Variants in CASQ2 observed in about 807,000 individuals in gnomAD.
The protein encoded by CASQ2 is calsequestrin 2.
In CASQ2, 49 loss-of-function variants were observed where a neutral mutation model predicts 46.5. The ratio of observed to expected loss-of-function variants is 1.05; its 90% confidence interval spans 0.84 to 1.34. The LOEUF (loss-of-function observed/expected upper bound fraction) is 1.34, where lower values mean the gene tolerates loss of function less well. Ranked by LOEUF, CASQ2 falls within the 40% of genes most tolerant of loss-of-function variation. The probability of loss-of-function intolerance (pLI) is 0.00; values close to 1 mark genes in which losing one functional copy is unlikely to be tolerated. For missense variants in CASQ2, 486 were observed against 481.3 expected (o/e 1.01, Z -0.09); for synonymous variants, 174 against 168.5 (o/e 1.03, Z -0.25).
At chr1:115,706,797 T>C (rs1244558628) in intron 8 of CASQ2, among the ~76,000 whole-genome samples, 3 of 152,172 alleles carry the variant, frequency 2.0e-5, no homozygotes, top group Non-Finnish European at 4.4e-5. Context: ...AGCAAACCTC[T>C]CCTCTCTCCA....
rs1647842183 is a variant in CASQ2 at position 115,733,043 on chromosome 1, A to G, written c.533-69T>C. ...GAACACAGAAGAATCTTCTTTTTAA[A>G]TGGTGTAGAGAGTAGAAAGCCAATT... On this transcript the variant is annotated intron_variant, in intron 4 of 10. Coordinates refer to ENST00000261448, the MANE Select transcript of CASQ2 (RefSeq NM_001232.4). The G allele has an allele frequency of 5.2e-6, 6 of 1,158,632 alleles. No individual in the cohort carries two copies. In the South Asian group the frequency reaches 6.2e-5, roughly 12 times the overall value. 71.8% of individuals were successfully genotyped at this position (1,158,632 alleles called of 1,614,324 possible).
chr1:115,743,689 C>T (rs1049544188), intron 2 of CASQ2, among the ~76,000 whole-genome samples: 1 of 143,752 alleles, frequency 7.0e-6, no homozygotes, highest in African/African-American at 2.6e-5. Flanking sequence ...CACCACTAAT[C>T]TTTTTTTTTT....
intron 7 of CASQ2, among the ~76,000 whole-genome samples, chr1:115,723,098 T>G (rs537248360): frequency 6.6e-6 from 1 of 151,922 alleles, no homozygotes; most frequent in Non-Finnish European, 1.5e-5. Context: ...TAGGCAAATG[T>G]AAGTGTGGAA....
chr1:115,713,886 C>A (rs909523136), intron 8 of CASQ2, among the ~76,000 whole-genome samples: 1 of 152,144 alleles, frequency 6.6e-6, no homozygotes, highest in Admixed American at 6.5e-5. Flanking sequence ...TTCCTATAAC[C>A]CTGTGATCCC....
At chr1:115,761,497 G>GAAGAAGA (rs1648956584) in intron 1 of CASQ2, among the ~76,000 whole-genome samples, 22 of 18,964 alleles carry the variant, frequency 1.2e-3, no homozygotes, top group East Asian at 4.5e-3. Flanking sequence ...GGAGAAGAAG[G>GAAGAAGA]AGAAGAAGAA....
chr1:115,742,132 C>A (rs557170356), intron 2 of CASQ2, among the ~76,000 whole-genome samples: 1 of 152,172 alleles, frequency 6.6e-6, no homozygotes, highest in East Asian at 1.9e-4. Flanking sequence ...CTGCCTCAGC[C>A]TCCTGAATAG....
intron 9 of CASQ2, among the ~76,000 whole-genome samples, chr1:115,703,787 C>A (rs901593258): frequency 2.6e-5 from 4 of 152,016 alleles, no homozygotes; most frequent in African/African-American, 9.7e-5. Context: ...TGGCACATTT[C>A]TATAGTCCCA....
At chr1:115,718,534 T>C (rs745869747) in intron 7 of CASQ2, among the ~76,000 whole-genome samples, 4 of 152,180 alleles carry the variant, frequency 2.6e-5, no homozygotes, top group Admixed American at 6.5e-5. Context: ...CCATGTAGTG[T>C]GTAGGGGACA....
intron 8 of CASQ2, among the ~76,000 whole-genome samples, chr1:115,711,593 A>ATT (rs58007618): frequency 0.014 from 2,030 of 147,608 alleles, 57 homozygotes; most frequent in African/African-American, 0.048. Flanking sequence ...TCATTTTAAG[A>ATT]TTTTTTTTTT....
At chr1:115,714,131 G>A (rs1053263801) in intron 8 of CASQ2, among the ~76,000 whole-genome samples, 3 of 152,286 alleles carry the variant, frequency 2.0e-5, no homozygotes, top group Non-Finnish European at 4.4e-5. Flanking sequence ...CATCCTCAGC[G>A]TCATTCCAAC....
chr1:115,743,418 A>T (rs1479682715), intron 2 of CASQ2, among the ~76,000 whole-genome samples: 2 of 151,850 alleles, frequency 1.3e-5, no homozygotes, highest in Admixed American at 1.3e-4. Flanking sequence ...TAATTTTTAA[A>T]TTTTTTGTAG....
At chr1:115,724,400 T>G (rs1409248470) in intron 7 of CASQ2, among the ~76,000 whole-genome samples, 1 of 152,200 alleles carries the variant, frequency 6.6e-6, no homozygotes, top group Non-Finnish European at 1.5e-5. Flanking sequence ...GCTGCTGTGC[T>G]CAAACAATCC....
intron 3 of CASQ2, 48 bp downstream of exon 3, chr1:115,740,680 T>G (rs1334795013): frequency 2.5e-6 from 3 of 1,183,046 alleles, no homozygotes; most frequent in Non-Finnish European, 3.8e-6. Flanking sequence ...TCTCCCTATA[T>G]TTGAGGAGAG....
At chr1:115,738,426 G>C (rs998682190) in intron 3 of CASQ2, 91 bp from the exon 4 acceptor site, 3 of 870,844 alleles carry the variant, frequency 3.4e-6, no homozygotes, top group Admixed American at 3.4e-5. Context: ...AAGTTGTAGC[G>C]GACTTTGTGG....
intron 3 of CASQ2, among the ~76,000 whole-genome samples, chr1:115,738,936 G>A (rs957446990): frequency 2.8e-5 from 4 of 145,106 alleles, no homozygotes; most frequent in African/African-American, 7.7e-5. Context: ...CTGAGTTCTC[G>A]TGTTCTAGAT....
intron 1 of CASQ2, among the ~76,000 whole-genome samples, chr1:115,767,236 C>G (rs191557001): frequency 6.6e-6 from 1 of 152,216 alleles, no homozygotes; most frequent in African/African-American, 2.4e-5. Flanking sequence ...ATAACTATCC[C>G]TGCTTTCTCT....
intron 8 of CASQ2, among the ~76,000 whole-genome samples, chr1:115,710,138 C>T (rs1654493180): frequency 6.6e-6 from 1 of 152,332 alleles, no homozygotes; most frequent in African/African-American, 2.4e-5. Flanking sequence ...GCCACCATGC[C>T]CAGCCAGGAC....
Position 115,744,866 on chromosome 1 carries a change from A to T in CASQ2, c.281T>A (p.Val94Glu). ...LEHKAIGFVMVDAKKEAKLAK... is the reference protein window; with the variant it reads ...LEHKAIGFVMEDAKKEAKLAK... ...AAGCTTGGCTTCTTTCTTGGCATCCACCATCACAAAGCCTATAGCTTTATG... is the reference window on the plus strand; with the variant it reads ...AAGCTTGGCTTCTTTCTTGGCATCCTCCATCACAAAGCCTATAGCTTTATG... Residue 94 changes from valine (V) to glutamate (E), a missense_variant, in exon 2 of 11, where the codon GTG becomes GAG. By Grantham distance (121) the Val-to-Glu change is moderately radical. Coordinates refer to ENST00000261448, the MANE Select transcript of CASQ2 (RefSeq NM_001232.4). 1 of 1,613,910 alleles carries T rather than the reference A, an allele frequency of 6.2e-7. No individual in the cohort carries two copies. The highest frequency in any genetic ancestry group is 8.5e-7 in the Non-Finnish European group (1 of 1,179,902).
chr1:115,748,303 T>C (rs142824122), intron 1 of CASQ2, among the ~76,000 whole-genome samples: 63 of 152,350 alleles, frequency 4.1e-4, no homozygotes, highest in African/African-American at 1.5e-3. Context: ...CTTCTGAATA[T>C]CTTAAGGTTT....
Sources: gnomAD v4.1 joint callset for allele counts (sites outside exome capture counted in the v4.1 genomes callset) on GRCh38, gnomAD v4.1.1 for gene constraint, MANE v1.5 for transcripts, NCBI Gene and HGNC (gene_info 2026-07-23, HGNC 2026-07-21) for gene names.